DNAH7: variants seen among roughly 807,000 people sequenced by gnomAD.
DNAH7 encodes dynein axonemal heavy chain 7, also known as axonemal beta dynein heavy chain 7.
DNAH7 carries 397 observed loss-of-function variants against 444.6 expected under a neutral mutation model. That is an observed-to-expected ratio of 0.89 (90% CI 0.82 to 0.97). The LOEUF (loss-of-function observed/expected upper bound fraction) is 0.97. Ranked by LOEUF, DNAH7 falls within the 50% of genes least tolerant of loss-of-function variation. The pLI is 0.00. For missense variants in DNAH7, 4,902 were observed against 4,800.8 expected (o/e 1.02, Z -0.62); for synonymous variants, 1,636 against 1,624.4 (o/e 1.01, Z -0.17).
chr2:195,846,388 G>C (rs1217789832), intron 46 of DNAH7, among the ~76,000 whole-genome samples: 1 of 152,164 alleles, frequency 6.6e-6, no homozygotes, highest in East Asian at 1.9e-4. Flanking sequence ...AGAGAAATGG[G>C]ACTGCTTATA....
At position 195,787,123 on chromosome 2, in the gene DNAH7, C is replaced by G. The variant is rs200377970; in HGVS notation, c.10765G>C (p.Val3589Leu). The part of the protein sequence containing the change: ...LYGLCFFHAL[V>L]QERRKFGPLG... ...GGTCCAAATTTCCGTCTTTCTTGTA[C>G]CAAAGCATGAAAGAAACACAGGCCA... The change falls in exon 58 of 65, where the codon GTA becomes CTA. Residue 3589 changes from valine (V) to leucine (L), a missense_variant. Val to Leu is a conservative substitution (Grantham distance 32). Transcript: ENST00000312428. 3.1e-6 allele frequency: 5 copies of G among 1,609,720 alleles called. No individual in the cohort carries two copies. Among genetic ancestry groups the G allele is most frequent in the African/African-American group, 1.3e-5 (1 of 74,622 alleles).
intron 10 of DNAH7, among the ~76,000 whole-genome samples, chr2:196,007,356 C>T (rs1234439891): frequency 2.6e-5 from 4 of 152,138 alleles, no homozygotes; most frequent in Non-Finnish European, 5.9e-5. Context: ...GCTCAGACTA[C>T]CAGATATCCA....
chr2:195,914,487 A>C (rs544390703), intron 24 of DNAH7, among the ~76,000 whole-genome samples: 7 of 152,304 alleles, frequency 4.6e-5, no homozygotes, highest in Middle Eastern at 3.4e-3. Context: ...TGTGCCATAC[A>C]ATTGGCATGA....
In DNAH7 at chr2:195,816,898, T is replaced by C. The variant is rs1390495008; in HGVS notation, c.9491A>G (p.Glu3164Gly). The C allele has an allele frequency of 6.2e-7, 1 of 1,614,008 alleles. No individual in the cohort carries two copies. The highest frequency in any genetic ancestry group is 2.2e-5 in the East Asian group (1 of 44,860). The change falls in exon 51 of 65, where the codon GAA becomes GGA. Residue 3164 changes from glutamate to glycine, a missense_variant. Coordinates refer to ENST00000312428, the MANE Select transcript of DNAH7 (RefSeq NM_018897.3). ...TAATATCTTAATAGCAGTTTCATCT[T>C]CTAATATATTGCCTTCCGAAGATGA... Reference protein sequence around the residue: ...VLSSSEGNILEDETAIKILSS... With the variant: ...VLSSSEGNILGDETAIKILSS...
chr2:195,888,953 T>C lies in DNAH7; in HGVS notation c.5075A>G (p.Asp1692Gly), dbSNP rs781567919. ...VTPDRKWLIF[D>G]GPVDAVWIEN... ...AATCCACACTGCATCTACTGGGCCA[T>C]CAAAAATTAACCATTTCCTATCTGG... Residue 1692 changes from aspartate (D) to glycine (G), a missense_variant, in exon 32 of 65, where the codon GAT becomes GGT. By Grantham distance (94) the Asp-to-Gly change is moderately conservative (BLOSUM62 -1). Transcript: ENST00000312428. 6.2e-7 allele frequency: 1 copy of C among 1,612,818 alleles called. No homozygotes were observed. Among genetic ancestry groups the C allele is most frequent in the South Asian group, 1.1e-5 (1 of 90,514 alleles).
intron 61 of DNAH7, among the ~76,000 whole-genome samples, chr2:195,757,124 G>C (rs1694114860): frequency 6.6e-6 from 1 of 152,158 alleles, no homozygotes; most frequent in African/African-American, 2.4e-5. Flanking sequence ...CACTGCACCT[G>C]CACCTGAGCT....
intron 58 of DNAH7, among the ~76,000 whole-genome samples, chr2:195,784,572 T>A (rs550688716): frequency 9.8e-5 from 15 of 152,336 alleles, no homozygotes; most frequent in African/African-American, 3.4e-4. Flanking sequence ...TATGCAGGTA[T>A]TTGTGTGGAC....
intron 42 of DNAH7, among the ~76,000 whole-genome samples, chr2:195,859,242 G>T (rs1034203609): frequency 1.1e-4 from 16 of 152,118 alleles, no homozygotes; most frequent in African/African-American, 3.9e-4. Context: ...GTTTCCAAAT[G>T]TGAAAAAATG....
At chr2:195,888,175 A>G in intron 33 of DNAH7, 83 bp downstream of exon 33, 1 of 1,166,472 alleles carries the variant, frequency 8.6e-7, no homozygotes. Flanking sequence ...AGCTGATAAT[A>G]AAAACAGACA....
chr2:195,818,263 T>C (rs1697311951), intron 49 of DNAH7, among the ~76,000 whole-genome samples: 1 of 152,186 alleles, frequency 6.6e-6, no homozygotes, highest in African/African-American at 2.4e-5. Flanking sequence ...GTGTCAAAAG[T>C]AAAGGAAATC....
At chr2:195,795,250 C>A (rs968770291) in intron 56 of DNAH7, among the ~76,000 whole-genome samples, 7 of 152,106 alleles carry the variant, frequency 4.6e-5, no homozygotes, top group Non-Finnish European at 1.0e-4. Flanking sequence ...GCCATGGTGG[C>A]AGGTGCCTGT....
chr2:196,058,612 AAGACTT>A (rs1697957217), intron 1 of DNAH7, among the ~76,000 whole-genome samples: 1 of 147,400 alleles, frequency 6.8e-6, no homozygotes, highest in Admixed American at 6.6e-5. Context: ...AATAGAATAA[AAGACTT>A]AGGAATAAAT....
chr2:195,995,043 C>A, intron 12 of DNAH7: 1 of 255,930 alleles, frequency 3.9e-6, no homozygotes, highest in East Asian at 1.2e-4. Context: ...GATTCTCCTG[C>A]CTCAGCCTCC....
intron 1 of DNAH7, among the ~76,000 whole-genome samples, chr2:196,064,417 C>A (rs1259782584): frequency 6.6e-6 from 1 of 151,656 alleles, no homozygotes; most frequent in Non-Finnish European, 1.5e-5. Flanking sequence ...CCAATTATCA[C>A]CCAATTAATT....
At chr2:195,909,081 G>A (rs1288641936) in intron 25 of DNAH7, among the ~76,000 whole-genome samples, 2 of 152,062 alleles carry the variant, frequency 1.3e-5, no homozygotes, top group African/African-American at 2.4e-5. Flanking sequence ...GGGCCTGTTT[G>A]AGGGTGGAGG....
At chr2:195,895,374 G>T (rs1352506512) in intron 29 of DNAH7, 150 bp from the exon 30 acceptor site, 2 of 509,388 alleles carry the variant, frequency 3.9e-6, no homozygotes, top group East Asian at 3.5e-5. Context: ...ACGCAAACGT[G>T]TATTTTTTTC....
intron 40 of DNAH7, among the ~76,000 whole-genome samples, chr2:195,872,041 T>C (rs898377284): frequency 7.6e-5 from 11 of 145,140 alleles, no homozygotes; most frequent in Non-Finnish European, 3.0e-5. Context: ...AATTCCTAAA[T>C]CTGCATATGG....
At chr2:195,984,321 G>A (rs1372736277) in intron 15 of DNAH7, among the ~76,000 whole-genome samples, 2 of 152,092 alleles carry the variant, frequency 1.3e-5, no homozygotes, top group African/African-American at 4.8e-5. Flanking sequence ...TATGTATTTT[G>A]AAAGTCATTA....
At chr2:195,815,125 A>G (rs1697162764) in intron 51 of DNAH7, among the ~76,000 whole-genome samples, 1 of 151,742 alleles carries the variant, frequency 6.6e-6, no homozygotes, top group Non-Finnish European at 1.5e-5. Context: ...TTAATTAACT[A>G]ACTTATAATG....
Sources: gnomAD v4.1 joint callset for allele counts (sites outside exome capture counted in the v4.1 genomes callset) on GRCh38, gnomAD v4.1.1 for gene constraint, MANE v1.5 for transcripts, NCBI Gene and HGNC (gene_info 2026-07-23, HGNC 2026-07-21) for gene names.